The following NRXN3 variants were observed in gnomAD, a reference collection of about 807,000 sequenced individuals.
NRXN3 encodes neurexin III.
In NRXN3, 32 loss-of-function variants were observed where a neutral mutation model predicts 137.6. That is an observed-to-expected ratio of 0.23 (90% CI 0.18 to 0.31). NRXN3 has a LOEUF of 0.31. NRXN3 is among the 10% of genes least tolerant of loss of function. The probability of loss-of-function intolerance (pLI) is 1.00; values close to 1 mark genes in which losing one functional copy is unlikely to be tolerated. For synonymous variants in NRXN3, 798 were observed against 784.5 expected, an observed-to-expected ratio of 1.02 and a Z score of -0.29; for missense variants, 1,574 against 2,062.5, an observed-to-expected ratio of 0.76 and a Z score of 4.59.
chr14:79,027,207 G>A (rs1310394454), intron 15 of NRXN3, among the ~76,000 whole-genome samples: 4 of 150,872 alleles, frequency 2.7e-5, no homozygotes, highest in African/African-American at 9.8e-5. Flanking sequence ...TTGATAAAAG[G>A]AAAAGCAACA....
intron 15 of NRXN3, among the ~76,000 whole-genome samples, chr14:79,103,949 CAT>C (rs2051858425): frequency 2.0e-5 from 3 of 152,132 alleles, no homozygotes; most frequent in Non-Finnish European, 2.9e-5. Flanking sequence ...GCAATAGACA[CAT>C]GTTCATATGT....
At chr14:79,274,906 T>C (rs1222220206) in intron 15 of NRXN3, among the ~76,000 whole-genome samples, 1 of 152,210 alleles carries the variant, frequency 6.6e-6, no homozygotes, top group Non-Finnish European at 1.5e-5. Flanking sequence ...AAGCAGTATA[T>C]ACATTCTCTA....
intron 4 of NRXN3, among the ~76,000 whole-genome samples, chr14:78,364,612 G>A (rs2085628919): frequency 6.6e-6 from 1 of 152,110 alleles, no homozygotes; most frequent in African/African-American, 2.4e-5. Flanking sequence ...CTGAAAGGAG[G>A]GCATGTTTGA....
chr14:79,126,457 G>C (rs1368456900), intron 15 of NRXN3, among the ~76,000 whole-genome samples: 1 of 151,830 alleles, frequency 6.6e-6, no homozygotes, highest in East Asian at 1.9e-4. Context: ...AGTTTACTGA[G>C]AATGATGATT....
intron 15 of NRXN3, among the ~76,000 whole-genome samples, chr14:79,375,431 G>T (rs1412035312): frequency 6.6e-6 from 1 of 151,814 alleles, no homozygotes; most frequent in African/African-American, 2.4e-5. Flanking sequence ...CACTGTCTGG[G>T]GCACTCCTGC....
intron 16 of NRXN3, among the ~76,000 whole-genome samples, chr14:79,590,328 G>T (rs1337722657): frequency 6.8e-6 from 1 of 147,694 alleles, no homozygotes; most frequent in Non-Finnish European, 1.5e-5. Context: ...CATGTAAAAT[G>T]TGCTGCTCCA....
chr14:79,649,537 TAAGCTG>T (rs1391878919), intron 16 of NRXN3, among the ~76,000 whole-genome samples: 2 of 151,060 alleles, frequency 1.3e-5, no homozygotes, highest in East Asian at 3.8e-4. Context: ...AGATATTCTC[TAAGCTG>T]TAGCATGTTT....
At chr14:78,615,479 C>T (rs934009046) in intron 4 of NRXN3, among the ~76,000 whole-genome samples, 4 of 149,742 alleles carry the variant, frequency 2.7e-5, no homozygotes, top group Admixed American at 1.3e-4. Flanking sequence ...GTTGTGGTGG[C>T]GGGTGCCTGT....
At chr14:79,349,065 T>C (rs1351111589) in intron 15 of NRXN3, among the ~76,000 whole-genome samples, 1 of 152,202 alleles carries the variant, frequency 6.6e-6, no homozygotes, top group African/African-American at 2.4e-5. Context: ...TTAGCATGGA[T>C]TGCCATGAAA....
intron 15 of NRXN3, among the ~76,000 whole-genome samples, chr14:79,270,560 C>T (rs1295415177): frequency 6.6e-6 from 1 of 152,116 alleles, no homozygotes; most frequent in African/African-American, 2.4e-5. Context: ...GGCTCTAGGA[C>T]TAGGCCCTCA....
At chr14:79,258,669 G>C (rs959367738) in intron 15 of NRXN3, among the ~76,000 whole-genome samples, 2 of 152,166 alleles carry the variant, frequency 1.3e-5, no homozygotes, top group Admixed American at 6.5e-5. Context: ...AGTTTTATAT[G>C]GAAGAGAAAT....
intron 15 of NRXN3, among the ~76,000 whole-genome samples, chr14:79,255,832 A>T (rs1289262558): frequency 6.6e-6 from 1 of 152,160 alleles, no homozygotes; most frequent in Non-Finnish European, 1.5e-5. Flanking sequence ...TCATAAGCTG[A>T]TTGGTAGTGC....
intron 19 of NRXN3, among the ~76,000 whole-genome samples, chr14:79,786,915 G>A (rs2140212303): frequency 1.3e-5 from 2 of 152,276 alleles, no homozygotes; most frequent in Middle Eastern, 3.4e-3. Flanking sequence ...CCACTTAAGG[G>A]TTTAAGTGAG....
intron 8 of NRXN3, among the ~76,000 whole-genome samples, chr14:78,760,703 T>G (rs1317904183): frequency 6.6e-6 from 1 of 152,024 alleles, no homozygotes; most frequent in Admixed American, 6.5e-5. Context: ...ATGGATGCTC[T>G]GTTTTATGGT....
At chr14:78,283,498 G>A (rs2074707916) in intron 3 of NRXN3, 1 of 151,670 alleles carries the variant, frequency 6.6e-6, no homozygotes, top group Non-Finnish European at 1.5e-5. Flanking sequence ...TTTATGCATT[G>A]TCTCTGGCTA....
chr14:79,285,751 C>T (rs1221859009), intron 15 of NRXN3, among the ~76,000 whole-genome samples: 1 of 152,108 alleles, frequency 6.6e-6, no homozygotes, highest in Non-Finnish European at 1.5e-5. Flanking sequence ...AGGCCCTGTC[C>T]TCACATACAC....
chr14:79,205,503 T>C (rs964662714), intron 15 of NRXN3, among the ~76,000 whole-genome samples: 4 of 152,124 alleles, frequency 2.6e-5, no homozygotes, highest in Non-Finnish European at 5.9e-5. Context: ...CAGCACAAAG[T>C]TAATGAAAAT....
intron 15 of NRXN3, among the ~76,000 whole-genome samples, chr14:79,339,416 C>T (rs2092470149): frequency 6.6e-6 from 1 of 152,168 alleles, no homozygotes; most frequent in Non-Finnish European, 1.5e-5. Flanking sequence ...TCAGGTGGAG[C>T]CTGAGAATTT....
intron 4 of NRXN3, among the ~76,000 whole-genome samples, chr14:78,403,258 C>T (rs1246479064): frequency 2.6e-5 from 4 of 152,218 alleles, no homozygotes; most frequent in South Asian, 2.1e-4. Context: ...GAAACACTGC[C>T]GGCTTTCGCC....
Sources: allele counts gnomAD v4.1 joint callset (sites outside exome capture counted in the v4.1 genomes callset), GRCh38; gene constraint gnomAD v4.1.1; transcripts MANE v1.5; gene names NCBI Gene and HGNC (gene_info 2026-07-23, HGNC 2026-07-21).